RALGDS: variants seen among roughly 807,000 people sequenced by gnomAD.
RALGDS encodes ral guanine nucleotide dissociation stimulator.
In RALGDS, 44 loss-of-function variants were observed where a neutral mutation model predicts 99.8. The ratio of observed to expected loss-of-function variants is 0.44; its 90% confidence interval spans 0.35 to 0.57. The LOEUF (loss-of-function observed/expected upper bound fraction) is 0.57, where lower values mean the gene tolerates loss of function less well. Among genes scored for constraint, RALGDS ranks in the 20% least tolerant of loss-of-function variants. The pLI is 0.01. For missense variants in RALGDS, 1,022 were observed against 1,203.1 expected (o/e 0.85, Z 2.23); for synonymous variants, 529 against 505.0 (o/e 1.05, Z -0.64).
At chr9:133,107,831 G>A (rs2119154805) in intron 6 of RALGDS, among the ~76,000 whole-genome samples, 157 bp downstream of exon 6, 1 of 152,378 alleles carries the variant, frequency 6.6e-6, no homozygotes, top group South Asian at 2.1e-4. Flanking sequence ...GTAAACTGAG[G>A]ACTTGGGGTT....
At chr9:133,138,102 T>C (rs998433721) in intron 1 of RALGDS, among the ~76,000 whole-genome samples, 1 of 152,208 alleles carries the variant, frequency 6.6e-6, no homozygotes, top group African/African-American at 2.4e-5. Context: ...GTGGGGCTAC[T>C]GTTTCCAAAG....
intron 2 of RALGDS, among the ~76,000 whole-genome samples, chr9:133,111,271 C>T (rs774345398): frequency 1.1e-4 from 17 of 152,224 alleles, no homozygotes; most frequent in Middle Eastern, 3.4e-3. Context: ...CCCGTTAGGA[C>T]GCACAGCATC....
upstream of RALGDS, among the ~76,000 whole-genome samples, chr9:133,133,343 A>AT (rs1423256105): frequency 6.6e-6 from 1 of 152,216 alleles, no homozygotes; most frequent in Non-Finnish European, 1.5e-5. Flanking sequence ...CCACGCAGAA[A>AT]TGCAGGAGTC....
chr9:133,109,824 A>G (rs1831253038), intron 3 of RALGDS, 103 bp from the exon 4 acceptor site: 2 of 883,378 alleles, frequency 2.3e-6, no homozygotes, highest in South Asian at 2.8e-5. Flanking sequence ...ATTATATTAA[A>G]TGCCTAGAAA....
intron 1 of RALGDS, among the ~76,000 whole-genome samples, chr9:133,128,199 A>C (rs1286130675): frequency 6.6e-6 from 1 of 152,044 alleles, no homozygotes. Flanking sequence ...AGTGGAGGGA[A>C]GCAGAGGAGA....
intron 1 of RALGDS, among the ~76,000 whole-genome samples, chr9:133,127,405 A>G (rs1464698074): frequency 6.6e-6 from 1 of 152,262 alleles, no homozygotes; most frequent in African/African-American, 2.4e-5. Flanking sequence ...CCCTGGTGGA[A>G]AACCTGTCAC....
intron 1 of RALGDS, among the ~76,000 whole-genome samples, chr9:133,128,290 G>C (rs1017368781): frequency 1.3e-5 from 2 of 152,228 alleles, no homozygotes; most frequent in African/African-American, 4.8e-5. Flanking sequence ...GCAGCAGGCA[G>C]ACGGAAGCGA....
upstream of RALGDS, among the ~76,000 whole-genome samples, chr9:133,125,119 T>C (rs1161919222): frequency 6.6e-6 from 1 of 152,120 alleles, no homozygotes; most frequent in Non-Finnish European, 1.5e-5. Context: ...TTTTGGATCA[T>C]GATGTCAGCA....
At chr9:133,104,880 C>T (rs1269091575) in intron 9 of RALGDS, among the ~76,000 whole-genome samples, 1 of 152,166 alleles carries the variant, frequency 6.6e-6, no homozygotes, top group East Asian at 1.9e-4. Context: ...CCTGTTATGG[C>T]TGCACACTCC....
chr9:133,132,149 T>A (rs1428567034), upstream of RALGDS, among the ~76,000 whole-genome samples: 1 of 152,212 alleles, frequency 6.6e-6, no homozygotes, highest in Non-Finnish European at 1.5e-5. Flanking sequence ...TCCTAGCAGA[T>A]AGCTTGGAAA....
chr9:133,129,794 C>G lies in RALGDS; in HGVS notation c.132+1158G>C, dbSNP rs184133098. On this transcript the variant is annotated intron_variant, in intron 1 of 17. Transcript: ENST00000372062. ...CTCTTCCATCCCTGGCACCCAGGCA[C>G]GAGATTTCCTTTCTTCTTTTTTTTT... 4.3e-3 allele frequency among the ~76,000 whole-genome samples: 642 copies of G among 150,318 alleles called. 3 individuals carry two copies. The highest frequency in any genetic ancestry group is 0.019 in the Admixed American group (279 of 14,820).
chr9:133,108,879 G>C lies in RALGDS; in HGVS notation c.585-13C>G, dbSNP rs754046132. 6.2e-7 allele frequency: 1 copy of C among 1,606,648 alleles called. No individual in the cohort carries two copies. Among genetic ancestry groups the C allele is most frequent in the South Asian group, 1.1e-5 (1 of 90,676 alleles). ...GGAGGAGATGGCACTGGGGACAGGTGGGTGGCAGCAGAGTCAGAGGCCTGG... is the reference window on the plus strand; with the variant it reads ...GGAGGAGATGGCACTGGGGACAGGTCGGTGGCAGCAGAGTCAGAGGCCTGG... On this transcript the variant is annotated splice_polypyrimidine_tract_variant and intron_variant, in intron 4 of 17. Transcript: ENST00000372050.
Position 133,100,313 on chromosome 9 carries a change from C to T in RALGDS, c.2524G>A (p.Glu842Lys). The change falls in exon 17 of 18, where the codon GAG (glutamate) becomes AAG (lysine). Residue 842 changes from glutamate to lysine, a missense_variant. By Grantham distance (56) the Glu-to-Lys change is moderately conservative (BLOSUM62 1). Coordinates refer to ENST00000372050, the MANE Select transcript of RALGDS (RefSeq NM_006266.4). ...TGCAGCAGCTCATAGTCCTCCGGCTCCTCCTCCTCCAGGTTGTGTTTGTCC... is the reference window on the plus strand; with the variant it reads ...TGCAGCAGCTCATAGTCCTCCGGCTTCTCCTCCTCCAGGTTGTGTTTGTCC... ...AMDKHNLEEEEPEDYELLQIL... is the reference protein window; with the variant it reads ...AMDKHNLEEEKPEDYELLQIL... 2 of 1,614,120 alleles carry T rather than the reference C, an allele frequency of 1.2e-6. No individual in the cohort carries two copies. Among genetic ancestry groups the T allele is most frequent in the East Asian group, 2.2e-5 (1 of 44,882 alleles).
At chr9:133,103,864 G>T (rs1830881224) in intron 10 of RALGDS, 31 bp from the exon 11 acceptor site, 1 of 1,594,938 alleles carries the variant, frequency 6.3e-7, no homozygotes, top group Non-Finnish European at 8.6e-7. Flanking sequence ...GATGAGCAAG[G>T]CCCCTCCCCT....
chr9:133,135,139 T>G (rs1438238086), upstream of RALGDS, among the ~76,000 whole-genome samples: 1 of 152,062 alleles, frequency 6.6e-6, no homozygotes, highest in African/African-American at 2.4e-5. Flanking sequence ...TGTGGAAGGC[T>G]ACACACCCCA....
intron 1 of RALGDS, among the ~76,000 whole-genome samples, chr9:133,141,861 G>A (rs1209537979): frequency 1.3e-5 from 2 of 152,188 alleles, no homozygotes; most frequent in East Asian, 3.8e-4. Context: ...ATCAAAGTTG[G>A]CCCAGAACCA....
rs1830872050 is a variant in RALGDS, at chr9:133,103,734, C to T, written c.1758+13G>A. ...CTCCCGGGCCCTACTCCAGCCCCGC[C>T]CGGCACACTCACATACAGATAGTCC... On this transcript the variant is annotated intron_variant, in intron 11 of 17. Transcript: ENST00000372050. 3 of 1,612,896 alleles carry T rather than the reference C, an allele frequency of 1.9e-6. No individual in the cohort carries two copies. Among genetic ancestry groups the T allele is most frequent in the East Asian group, 4.5e-5 (2 of 44,856 alleles).
At position 133,098,642 on chromosome 9, in the gene RALGDS, G is replaced by A. The variant is rs376030443; in HGVS notation, c.2690C>T (p.Ser897Phe). 1.2e-6 allele frequency: 2 copies of A among 1,614,164 alleles called. No individual in the cohort carries two copies. The highest frequency in any genetic ancestry group is 1.7e-6 in the Non-Finnish European group (2 of 1,180,020). ...KGVKVKHGAS[S>F]TLPRMKQKGL... is the part of the protein sequence containing the mutation. Reference sequence around the variant, plus strand: ...TTTCTGCTTCATGCGAGGGAGGGTGGAGCTGGCTCCGTGCTTGACCTTCAC... The same window carrying A: ...TTTCTGCTTCATGCGAGGGAGGGTGAAGCTGGCTCCGTGCTTGACCTTCAC... The change falls in exon 18 of 18, where the codon TCC becomes TTC. Residue 897 changes from serine to phenylalanine, a missense_variant. Coordinates refer to ENST00000372050, the MANE Select transcript of RALGDS (RefSeq NM_006266.4).
chr9:133,115,752 T>C (rs1000477276), intron 1 of RALGDS, among the ~76,000 whole-genome samples: 8 of 152,222 alleles, frequency 5.3e-5, no homozygotes, highest in Non-Finnish European at 1.0e-4. Context: ...GATGCTGGGC[T>C]GTAAAAACCT....
Sources: gnomAD v4.1 joint callset for allele counts (sites outside exome capture counted in the v4.1 genomes callset) on GRCh38, gnomAD v4.1.1 for gene constraint, MANE v1.5 for transcripts, NCBI Gene and HGNC (gene_info 2026-07-23, HGNC 2026-07-21) for gene names.